PLD1: variants seen among roughly 807,000 people sequenced by gnomAD.
The protein encoded by PLD1 is choline phosphatase 1.
A neutral mutation model predicts 137.1 loss-of-function variants in PLD1; 112 were observed. The observed-to-expected ratio is 0.82, with a 90% CI of 0.70 to 0.96. The LOEUF (loss-of-function observed/expected upper bound fraction) is 0.96. PLD1 is among the 40% of genes least tolerant of loss of function. The pLI, the probability that PLD1 is intolerant of heterozygous loss-of-function variation, is 0.00. For synonymous variants in PLD1, 431 were observed against 454.7 expected (o/e 0.95, Z 0.66); for missense variants, 1,321 against 1,342.0 (o/e 0.98, Z 0.24).
At chr3:171,809,294 C>T (rs1724015702) in intron 1 of PLD1, 1 of 152,222 alleles carries the variant, frequency 6.6e-6, no homozygotes, top group Non-Finnish European at 1.5e-5. Flanking sequence ...ACATTTAATA[C>T]TGAAAGAGAT....
intron 9 of PLD1, among the ~76,000 whole-genome samples, chr3:171,711,845 C>CAAAAAA (rs1717265843): frequency 7.6e-6 from 1 of 131,558 alleles, no homozygotes; most frequent in African/African-American, 3.3e-5. Flanking sequence ...AAAAAAAATT[C>CAAAAAA]AGAGTGGATT....
intron 1 of PLD1, among the ~76,000 whole-genome samples, chr3:171,807,935 C>T (rs1052070047): frequency 1.3e-5 from 2 of 152,058 alleles, no homozygotes; most frequent in East Asian, 3.8e-4. Context: ...AACATGGATG[C>T]GGATGGAGGT....
Position 171,645,038 on chromosome 3 carries a change from T to A in PLD1, c.2430-15A>T, listed in dbSNP as rs1736087134. The A allele has an allele frequency of 5.3e-6, 8 of 1,519,164 alleles. No homozygotes were observed. Among genetic ancestry groups the A allele is most frequent in the Non-Finnish European group, 7.3e-6 (8 of 1,093,470 alleles). 94.1% of individuals were successfully genotyped at this position (1,519,164 alleles called of 1,614,324 possible). ...TCTGGTTTTCCCTGCAAAGGTCAGA[T>A]GCAGAGAAATTCACCCAAAAAATAA... On this transcript the variant is annotated splice_polypyrimidine_tract_variant and intron_variant, in intron 21 of 26. Coordinates refer to ENST00000351298, the MANE Select transcript of PLD1 (RefSeq NM_002662.5).
chr3:171,786,193 AC>A (rs1293820575), intron 1 of PLD1, among the ~76,000 whole-genome samples: 2 of 152,300 alleles, frequency 1.3e-5, no homozygotes, highest in East Asian at 3.9e-4. Flanking sequence ...CCACCAATAA[AC>A]TTTTCCAACT....
At chr3:171,709,504 A>G in intron 10 of PLD1, 56 bp downstream of exon 10, 1 of 1,454,280 alleles carries the variant, frequency 6.9e-7, no homozygotes, top group South Asian at 1.2e-5. Flanking sequence ...AATTTAGGCC[A>G]GTGTAATATT....
chr3:171,791,856 A>T (rs1437995833), intron 1 of PLD1: 1 of 152,292 alleles, frequency 6.6e-6, no homozygotes. Flanking sequence ...GGAAACTATA[A>T]GCATAAACAC....
chr3:171,808,123 T>C (rs1723929741), intron 1 of PLD1, among the ~76,000 whole-genome samples: 1 of 152,172 alleles, frequency 6.6e-6, no homozygotes, highest in Non-Finnish European at 1.5e-5. Flanking sequence ...TCAGGTACTA[T>C]GCTCACCACC....
intron 25 of PLD1, among the ~76,000 whole-genome samples, chr3:171,609,499 A>G (rs1322947780): frequency 7.0e-6 from 1 of 141,954 alleles, no homozygotes; most frequent in East Asian, 2.0e-4. Context: ...AGACAATTAC[A>G]TAAAGAAAAC....
chr3:171,628,187 C>T (rs973799057), intron 23 of PLD1, among the ~76,000 whole-genome samples: 5 of 152,134 alleles, frequency 3.3e-5, no homozygotes, highest in East Asian at 1.9e-4. Flanking sequence ...ATATCACCAT[C>T]GATCCCACAG....
At chr3:171,771,382 T>A (rs2108331045) in intron 1 of PLD1, 1 of 152,414 alleles carries the variant, frequency 6.6e-6, no homozygotes, top group Admixed American at 6.5e-5. Flanking sequence ...GCAACTTAAG[T>A]CATAGCCAAG....
At chr3:171,788,093 G>A (rs997003626) in intron 1 of PLD1, among the ~76,000 whole-genome samples, 1 of 151,658 alleles carries the variant, frequency 6.6e-6, no homozygotes, top group Non-Finnish European at 1.5e-5. Flanking sequence ...TGTAATCCCA[G>A]CTGCTCCAGA....
intron 21 of PLD1, among the ~76,000 whole-genome samples, chr3:171,647,631 T>C (rs900995593): frequency 6.6e-6 from 1 of 152,022 alleles, no homozygotes; most frequent in South Asian, 2.1e-4. Context: ...GTACTTTTAG[T>C]AGAGACGGGG....
At chr3:171,624,174 T>C (rs1467610559) in intron 23 of PLD1, among the ~76,000 whole-genome samples, 1 of 151,948 alleles carries the variant, frequency 6.6e-6, no homozygotes, top group Non-Finnish European at 1.5e-5. Context: ...GAACTCTAAA[T>C]AATTGAAGGG....
chr3:171,607,351 C>G (rs1328015724), intron 25 of PLD1, among the ~76,000 whole-genome samples: 1 of 152,066 alleles, frequency 6.6e-6, no homozygotes, highest in Non-Finnish European at 1.5e-5. Context: ...ATTTAAGAAG[C>G]TGAAAATTGA....
At chr3:171,755,544 A>G (rs1720963524) in intron 1 of PLD1, among the ~76,000 whole-genome samples, 1 of 152,140 alleles carries the variant, frequency 6.6e-6, no homozygotes, top group Admixed American at 6.5e-5. Flanking sequence ...CTTGTGCTCA[A>G]AATTTACATG....
At chr3:171,625,684 C>T (rs1371571323) in intron 23 of PLD1, among the ~76,000 whole-genome samples, 1 of 152,156 alleles carries the variant, frequency 6.6e-6, no homozygotes, top group Non-Finnish European at 1.5e-5. Flanking sequence ...CAGCAGTATT[C>T]GCGGTTCACA....
At chr3:171,725,456 GA>G (rs1002919839) in intron 7 of PLD1, among the ~76,000 whole-genome samples, 2 of 151,974 alleles carry the variant, frequency 1.3e-5, no homozygotes, top group Admixed American at 6.6e-5. Context: ...TCTTAATTCT[GA>G]AAAATTTGAC....
chr3:171,797,843 A>AT (rs1389395187), intron 1 of PLD1, among the ~76,000 whole-genome samples: 4 of 151,348 alleles, frequency 2.6e-5, no homozygotes, highest in African/African-American at 4.9e-5. Flanking sequence ...TTGAGGGTTA[A>AT]TTTTTTTTTC....
At chr3:171,637,782 G>A (rs1158530696) in intron 23 of PLD1, among the ~76,000 whole-genome samples, 1 of 152,114 alleles carries the variant, frequency 6.6e-6, no homozygotes, top group African/African-American at 2.4e-5. Context: ...TGTACAGCAT[G>A]ATACTATACT....
Sources: gnomAD v4.1 joint callset for allele counts (sites outside exome capture counted in the v4.1 genomes callset) on GRCh38, gnomAD v4.1.1 for gene constraint, MANE v1.5 for transcripts, NCBI Gene and HGNC (gene_info 2026-07-23, HGNC 2026-07-21) for gene names.